FGF12: variants seen among roughly 807,000 people sequenced by gnomAD.
FGF12 encodes fibroblast growth factor 12.
A neutral mutation model predicts 23.6 loss-of-function variants in FGF12; 14 were observed. That is an observed-to-expected ratio of 0.59 (90% CI 0.39 to 0.93). The LOEUF is 0.93. Among genes scored for constraint, FGF12 ranks in the 40% least tolerant of loss-of-function variants. FGF12 has a pLI of 0.00. For missense variants in FGF12, 175 were observed against 217.8 expected (o/e 0.80, Z 1.24); for synonymous variants, 62 against 77.3 (o/e 0.80, Z 1.04).
At chr3:192,434,572 T>C (rs933559772) in intron 2 of FGF12, among the ~76,000 whole-genome samples, 2 of 152,172 alleles carry the variant, frequency 1.3e-5, no homozygotes, top group African/African-American at 4.8e-5. Context: ...TGTATGTACC[T>C]GGCAGAGAGG....
chr3:192,692,813 A>C (rs1717985962), intron 2 of FGF12, among the ~76,000 whole-genome samples: 1 of 152,074 alleles, frequency 6.6e-6, no homozygotes, highest in Admixed American at 6.6e-5. Context: ...CATCAAAGAA[A>C]ATTTACTCAA....
intron 5 of FGF12, among the ~76,000 whole-genome samples, chr3:192,167,755 ATATATATATATATAAAATT>A (rs1715274268): frequency 3.5e-5 from 1 of 28,774 alleles, no homozygotes; most frequent in African/African-American, 1.6e-4. Flanking sequence ...ATATATATAT[ATATATATATATATAAAATT>A]TTTTTTTTTT....
intron 2 of FGF12, among the ~76,000 whole-genome samples, chr3:192,599,254 TATAATAATAATA>T (rs11269443): frequency 1.8e-4 from 18 of 98,348 alleles, no homozygotes; most frequent in East Asian, 3.0e-4. Context: ...GAACTTGAAG[TATAATAATAATA>T]ATAATAATAA....
At chr3:192,658,691 T>C (rs1013260015) in intron 2 of FGF12, among the ~76,000 whole-genome samples, 2 of 140,832 alleles carry the variant, frequency 1.4e-5, no homozygotes, top group East Asian at 4.3e-4. Flanking sequence ...AATTTATTTG[T>C]CCAGTGCAAT....
At chr3:192,310,415 A>G (rs1401229651) in intron 4 of FGF12, among the ~76,000 whole-genome samples, 1 of 152,190 alleles carries the variant, frequency 6.6e-6, no homozygotes, top group Non-Finnish European at 1.5e-5. Flanking sequence ...TGGGCTTCAA[A>G]CTTCAGTTAG....
At chr3:192,377,617 T>C (rs979875258) in intron 2 of FGF12, among the ~76,000 whole-genome samples, 3 of 152,150 alleles carry the variant, frequency 2.0e-5, no homozygotes, top group Non-Finnish European at 1.5e-5. Context: ...AAAATTATCA[T>C]TGTGGTTAGA....
chr3:192,181,484 C>T (rs1251429290), intron 4 of FGF12, among the ~76,000 whole-genome samples: 1 of 152,010 alleles, frequency 6.6e-6, no homozygotes, highest in Non-Finnish European at 1.5e-5. Flanking sequence ...TAATGTAATA[C>T]ACTCTACAAT....
intron 2 of FGF12, among the ~76,000 whole-genome samples, chr3:192,573,827 T>C (rs1398584774): frequency 3.3e-5 from 5 of 152,232 alleles, no homozygotes; most frequent in Admixed American, 3.3e-4. Flanking sequence ...ACTGCTGGTG[T>C]GTCAGCAACA....
intron 2 of FGF12, among the ~76,000 whole-genome samples, chr3:192,542,170 G>A (rs1725384721): frequency 1.7e-5 from 2 of 119,100 alleles, no homozygotes; most frequent in East Asian, 2.3e-4. Flanking sequence ...ACCATGCCTG[G>A]CCCATTCTTT....
rs79661377 is a variant in FGF12, at chr3:192,263,595, A to T, written c.228+71766T>A. On this transcript the variant is annotated intron_variant, in intron 4 of 5. Transcript: ENST00000445105. ...GAGCCACACTCCAAACCAATTAAATACGCATATGAGTCCAGGGATGAAGTT... is the reference window on the plus strand; with the variant it reads ...GAGCCACACTCCAAACCAATTAAATTCGCATATGAGTCCAGGGATGAAGTT... 7.4e-3 allele frequency among the ~76,000 whole-genome samples: 1,119 copies of T among 152,128 alleles called. 18 individuals carry two copies. The highest frequency in any genetic ancestry group is 0.025 in the African/African-American group (1,050 of 41,544).
rs531022335 is a variant in FGF12 at position 192,726,018 on chromosome 3, T to A, written c.13+1163A>T. Among the ~76,000 whole-genome samples, 127 of 152,352 alleles carry A rather than the reference T, an allele frequency of 8.3e-4. 3 individuals carry two copies. The highest frequency in any genetic ancestry group is 2.8e-3 in the African/African-American group (116 of 41,578). On this transcript the variant is annotated intron_variant, in intron 2 of 5. Coordinates refer to ENST00000445105, the MANE Select transcript of FGF12 (RefSeq NM_004113.6). ...ATCCATGTTGATTCAGCTCTTTTTA[T>A]ACTATAAATGCTTGCCTAGGTTCAA...
intron 2 of FGF12, among the ~76,000 whole-genome samples, chr3:192,396,402 C>T (rs902530528): frequency 6.6e-6 from 1 of 152,176 alleles, no homozygotes. Context: ...TATATTGCTC[C>T]AGACACAGAA....
chr3:192,154,906 C>T (rs963760710), intron 5 of FGF12, among the ~76,000 whole-genome samples: 3 of 136,712 alleles, frequency 2.2e-5, no homozygotes, highest in African/African-American at 8.0e-5. Context: ...GGCGCCCCTC[C>T]CCCAGCCTCG....
chr3:192,279,246 A>G (rs2108637390), intron 4 of FGF12, among the ~76,000 whole-genome samples: 1 of 148,948 alleles, frequency 6.7e-6, no homozygotes, highest in African/African-American at 2.5e-5. Context: ...ATATATATAT[A>G]TATATATAAA....
At position 192,517,592 on chromosome 3, in the gene FGF12, T is replaced by C. The variant is rs187683309; in HGVS notation, c.14-157054A>G. Among the ~76,000 whole-genome samples, 5 of 152,352 alleles carry C rather than the reference T, an allele frequency of 3.3e-5. No homozygotes were observed. In the East Asian group the frequency reaches 9.6e-4, roughly 29 times the overall value. On this transcript the variant is annotated intron_variant, in intron 2 of 5. Transcript: ENST00000445105. ...AGTATTACATTTATAGATTGTTTTG[T>C]TGGTATTGAGCTTTCAGGTGAGTTC...
chr3:192,358,409 T>C (rs1718571329), intron 3 of FGF12, among the ~76,000 whole-genome samples: 1 of 152,078 alleles, frequency 6.6e-6, no homozygotes, highest in Admixed American at 6.6e-5. Context: ...AATAAAATAT[T>C]AGTTTAAATT....
intron 2 of FGF12, among the ~76,000 whole-genome samples, chr3:192,488,710 A>C (rs1390777157): frequency 6.6e-6 from 1 of 152,112 alleles, no homozygotes; most frequent in Non-Finnish European, 1.5e-5. Context: ...CAGGGAGTCA[A>C]CTGTCAGGAA....
At chr3:192,509,880 CTTA>C (rs538061033) in intron 2 of FGF12, among the ~76,000 whole-genome samples, 140 of 152,256 alleles carry the variant, frequency 9.2e-4, no homozygotes, top group Non-Finnish European at 1.7e-3. Flanking sequence ...TCCATTAAAT[CTTA>C]TTATTTAAGC....
chr3:192,437,694 A>C (rs1294261606), intron 2 of FGF12, among the ~76,000 whole-genome samples: 1 of 150,484 alleles, frequency 6.6e-6, no homozygotes, highest in Non-Finnish European at 1.5e-5. Flanking sequence ...CCATCTCAAA[A>C]AACAACAACA....
Sources: allele counts gnomAD v4.1 joint callset (sites outside exome capture counted in the v4.1 genomes callset), GRCh38; gene constraint gnomAD v4.1.1; transcripts MANE v1.5; gene names NCBI Gene and HGNC (gene_info 2026-07-23, HGNC 2026-07-21).